The following URI1 variants were observed in gnomAD, a reference collection of about 807,000 sequenced individuals.
The protein encoded by URI1 is URI1 prefoldin like chaperone, also known as unconventional prefoldin RPB5 interactor 1.
In URI1, 39 loss-of-function variants were observed where a neutral mutation model predicts 60.2. The observed-to-expected ratio is 0.65, with a 90% CI of 0.50 to 0.85. The LOEUF (loss-of-function observed/expected upper bound fraction) is 0.85, where lower values mean the gene tolerates loss of function less well. Among genes scored for constraint, URI1 ranks in the 40% least tolerant of loss-of-function variants. The probability of loss-of-function intolerance (pLI) is 0.00; values close to 1 mark genes in which losing one functional copy is unlikely to be tolerated. For missense variants in URI1, 691 were observed against 665.9 expected, an observed-to-expected ratio of 1.04 and a Z score of -0.42; for synonymous variants, 251 against 236.8, an observed-to-expected ratio of 1.06 and a Z score of -0.55.
At chr19:29,969,324 A>T (rs2055429604) in intron 1 of URI1, among the ~76,000 whole-genome samples, 1 of 152,180 alleles carries the variant, frequency 6.6e-6, no homozygotes, top group Non-Finnish European at 1.5e-5. Context: ...TGGAGGGTAG[A>T]CTATGGGGAG....
intron 4 of URI1, among the ~76,000 whole-genome samples, chr19:29,986,804 T>C (rs1217651387): frequency 6.6e-6 from 1 of 152,218 alleles, no homozygotes; most frequent in African/African-American, 2.4e-5. Flanking sequence ...TGTTTTCTCC[T>C]TAGTGAACTA....
At chr19:29,944,376 T>C (rs908754069) in intron 1 of URI1, among the ~76,000 whole-genome samples, 5 of 151,408 alleles carry the variant, frequency 3.3e-5, no homozygotes, top group Non-Finnish European at 1.5e-5. Flanking sequence ...GTGTTTCTAT[T>C]GCCTTTCCTC....
At chr19:30,006,248 C>T (rs2055941192) in intron 6 of URI1, among the ~76,000 whole-genome samples, 1 of 151,998 alleles carries the variant, frequency 6.6e-6, no homozygotes, top group South Asian at 2.1e-4. Flanking sequence ...TTCTGTAAAG[C>T]CAATGGTTCC....
At chr19:29,969,712 A>G (rs563408558) in intron 1 of URI1, among the ~76,000 whole-genome samples, 1 of 152,086 alleles carries the variant, frequency 6.6e-6, no homozygotes, top group Non-Finnish European at 1.5e-5. Flanking sequence ...CTCATCTTTT[A>G]ATGGGGTTGT....
At chr19:30,007,722 A>G (rs2055963046) in intron 7 of URI1, 84 bp downstream of exon 7, 1 of 1,228,760 alleles carries the variant, frequency 8.1e-7, no homozygotes, top group Non-Finnish European at 1.1e-6. Context: ...TAATAAAATA[A>G]TATGTGTTCA....
chr19:29,954,926 A>G (rs750176017), intron 1 of URI1, among the ~76,000 whole-genome samples: 3 of 152,012 alleles, frequency 2.0e-5, no homozygotes, highest in Non-Finnish European at 4.4e-5. Flanking sequence ...TACAAAAGGC[A>G]GCTTATTTTG....
At chr19:29,994,449 T>C (rs962009976) in intron 4 of URI1, among the ~76,000 whole-genome samples, 1 of 152,078 alleles carries the variant, frequency 6.6e-6, no homozygotes, top group Non-Finnish European at 1.5e-5. Context: ...CCCCATCCCC[T>C]GGTAACCACT....
intron 1 of URI1, among the ~76,000 whole-genome samples, chr19:29,944,211 C>T (rs1281387101): frequency 1.9e-5 from 2 of 103,316 alleles, no homozygotes; most frequent in African/African-American, 7.1e-5. Context: ...ACTAGTTTGG[C>T]GTCTTTAAAT....
chr19:30,015,105 C>CCTAG lies in URI1; in HGVS notation c.*37_*40dup. The CCTAG allele has an allele frequency of 6.3e-7, 1 of 1,595,122 alleles. No individual in the cohort carries two copies. Among genetic ancestry groups the CCTAG allele is most frequent in the Non-Finnish European group, 8.5e-7 (1 of 1,172,266 alleles). On this transcript the variant is annotated 3_prime_UTR_variant, in exon 11 of 11. Transcript: ENST00000392271. ...GGAAATGGGAATTTACATCCTAAAA[C>CCTAG]CTAGTTGTTCATTTGTTTAGAGTAT...
At chr19:29,973,840 A>G (rs2055488857) in intron 2 of URI1, among the ~76,000 whole-genome samples, 1 of 152,152 alleles carries the variant, frequency 6.6e-6, no homozygotes, top group South Asian at 2.1e-4. Context: ...TTTTAGAGCT[A>G]ATAATAATGG....
intron 1 of URI1, among the ~76,000 whole-genome samples, chr19:29,955,534 T>A (rs2055234237): frequency 6.6e-6 from 1 of 152,154 alleles, no homozygotes; most frequent in Admixed American, 6.5e-5. Flanking sequence ...TTAATTTAAT[T>A]TATAATGTGA....
intron 8 of URI1, 83 bp downstream of exon 8, chr19:30,009,436 C>T (rs2055990959): frequency 4.1e-6 from 5 of 1,230,386 alleles, no homozygotes; most frequent in Non-Finnish European, 5.7e-6. Flanking sequence ...GCAATATTAA[C>T]AATCATTATC....
chr19:30,007,404 A>G (rs2055956913), intron 6 of URI1, 66 bp from the exon 7 acceptor site: 1 of 1,537,036 alleles, frequency 6.5e-7, no homozygotes, highest in South Asian at 1.2e-5. Context: ...AAGTCTCATT[A>G]AGTCTGGGTT....
chr19:29,954,951 C>T (rs1426693948), intron 1 of URI1, among the ~76,000 whole-genome samples: 1 of 152,042 alleles, frequency 6.6e-6, no homozygotes, highest in Non-Finnish European at 1.5e-5. Context: ...TTGTTCATCT[C>T]ATTAAATGAT....
chr19:29,963,461 C>G (rs559420143), intron 1 of URI1, among the ~76,000 whole-genome samples: 6 of 152,230 alleles, frequency 3.9e-5, no homozygotes, highest in Non-Finnish European at 8.8e-5. Flanking sequence ...TTTCAGTTCT[C>G]TAGTGAAAAT....
In URI1 at chr19:30,005,270, A is replaced by G. The variant is rs1019435110; in HGVS notation, c.368-91A>G. 5.8e-6 allele frequency: 4 copies of G among 685,356 alleles called. No homozygotes were observed. The African/African-American group carries it at 7.5e-5, about 13-fold the overall frequency. 42.5% of individuals were successfully genotyped at this position (685,356 alleles called of 1,614,324 possible). A position where few individuals can be genotyped will look rare whatever the true frequency, so the allele number is the denominator to read the frequency against. On this transcript the variant is annotated intron_variant, in intron 4 of 10. Coordinates refer to ENST00000392271, the MANE Select transcript of URI1 (RefSeq NM_003796.3). ...TTTTGAAAAGCATTACTGTTAAATC[A>G]TACTTGTAGTGTGATAGGACTACAG...
chr19:29,959,803 G>A (rs954561708), intron 1 of URI1, among the ~76,000 whole-genome samples: 8 of 44,618 alleles, frequency 1.8e-4, no homozygotes, highest in Non-Finnish European at 2.3e-4. Context: ...TTTTGCCTTT[G>A]ATTTTTTTCC....
intron 4 of URI1, among the ~76,000 whole-genome samples, chr19:29,995,725 G>GTT (rs573446078): frequency 0.017 from 2,467 of 142,634 alleles, 75 homozygotes; most frequent in African/African-American, 0.06. Flanking sequence ...GCTTCCCTGT[G>GTT]TTTTTTTTTT....
chr19:29,948,957 G>T (rs571957608), intron 1 of URI1, among the ~76,000 whole-genome samples: 3 of 150,816 alleles, frequency 2.0e-5, no homozygotes, highest in South Asian at 2.1e-4. Flanking sequence ...GACCGCGGCC[G>T]GGCGGAGGCG....
Sources: allele counts gnomAD v4.1 joint callset (sites outside exome capture counted in the v4.1 genomes callset), GRCh38; gene constraint gnomAD v4.1.1; transcripts MANE v1.5; gene names NCBI Gene and HGNC (gene_info 2026-07-23, HGNC 2026-07-21).